The following CLIP1 variants were observed in gnomAD, a reference collection of about 807,000 sequenced individuals.
The protein encoded by CLIP1 is CAP-Gly domain containing linker protein 1.
In CLIP1, 66 loss-of-function variants were observed where a neutral mutation model predicts 161.6. That is an observed-to-expected ratio of 0.41 (90% CI 0.33 to 0.50). The LOEUF (loss-of-function observed/expected upper bound fraction) is 0.50, where lower values mean the gene tolerates loss of function less well. CLIP1 is among the 20% of genes least tolerant of loss of function. The pLI, the probability that CLIP1 is intolerant of heterozygous loss-of-function variation, is 0.27. For synonymous variants in CLIP1, 598 were observed against 626.2 expected (o/e 0.96, Z 0.67); for missense variants, 1,376 against 1,702.0 (o/e 0.81, Z 3.37).
chr12:122,379,374 G>A (rs1315412068), intron 2 of CLIP1, among the ~76,000 whole-genome samples: 1 of 151,332 alleles, frequency 6.6e-6, no homozygotes, highest in Non-Finnish European at 1.5e-5. Flanking sequence ...AGCACTTTGG[G>A]AAGCCAAGGC....
chr12:122,418,449 A>G (rs943280146), intron 1 of CLIP1, among the ~76,000 whole-genome samples: 1 of 152,196 alleles, frequency 6.6e-6, no homozygotes, highest in Non-Finnish European at 1.5e-5. Context: ...AAAAGGAAAG[A>G]AATTGATTAT....
At chr12:122,328,465 A>G in intron 15 of CLIP1, 39 bp from the exon 16 acceptor site, 3 of 1,313,218 alleles carry the variant, frequency 2.3e-6, no homozygotes, top group Non-Finnish European at 2.1e-6. Context: ...GATTTTTCAT[A>G]AGAATGTTTT....
At chr12:122,357,546 G>A (rs1159625739) in intron 5 of CLIP1, among the ~76,000 whole-genome samples, 3 of 132,096 alleles carry the variant, frequency 2.3e-5, no homozygotes, top group South Asian at 2.6e-4. Flanking sequence ...CGCCCCGTCC[G>A]GGAGGGAGGT....
intron 19 of CLIP1, 52 bp from the exon 20 acceptor site, chr12:122,309,934 A>G (rs993281695): frequency 1.2e-6 from 2 of 1,604,564 alleles, no homozygotes; most frequent in African/African-American, 2.7e-5. Flanking sequence ...AGGCAAGGAA[A>G]CTGTGGGAGA....
intron 1 of CLIP1, among the ~76,000 whole-genome samples, chr12:122,389,534 G>A (rs982921058): frequency 5.3e-5 from 8 of 151,986 alleles, no homozygotes; most frequent in Non-Finnish European, 8.8e-5. Context: ...CAAAGCCGGC[G>A]GATCACTTGA....
At chr12:122,376,207 G>A (rs572115262) in intron 3 of CLIP1, among the ~76,000 whole-genome samples, 2 of 152,174 alleles carry the variant, frequency 1.3e-5, no homozygotes, top group East Asian at 3.9e-4. Context: ...AAACTACTGG[G>A]ATTACAGGAA....
chr12:122,407,177 T>C (rs909804091), intron 1 of CLIP1, among the ~76,000 whole-genome samples: 1 of 152,156 alleles, frequency 6.6e-6, no homozygotes, highest in South Asian at 2.1e-4. Context: ...GTGCTTAATA[T>C]AGCATCATAA....
chr12:122,400,178 G>A (rs1017958812), intron 1 of CLIP1: 1 of 152,136 alleles, frequency 6.6e-6, no homozygotes, highest in South Asian at 2.1e-4. Flanking sequence ...CTTAAGAAAG[G>A]GCAAGCTATT....
Position 122,377,638 on chromosome 12 carries a change from G to A in CLIP1, c.408C>T (p.Gly136=). The change falls in exon 3 of 26, where the codon GGC becomes GGT. Residue 136 remains glycine (G), a synonymous_variant. Transcript: ENST00000620786. ...CTCGGGAGGCGGGCGTTGTCTGCAG[G>A]CCATTAGCTTCATCTTCTGCTTGCA... The part of the protein sequence containing the change: ...RKVQAEDEAN[G]LQTTPASRAT... 6.2e-7 allele frequency: 1 copy of A among 1,613,756 alleles called. No individual in the cohort carries two copies. Among genetic ancestry groups the A allele is most frequent in the African/African-American group, 1.3e-5 (1 of 74,930 alleles).
intron 20 of CLIP1, among the ~76,000 whole-genome samples, chr12:122,305,876 T>C (rs761058546): frequency 2.6e-5 from 4 of 151,790 alleles, no homozygotes; most frequent in Non-Finnish European, 4.4e-5. Context: ...GAGATTACCC[T>C]GGGCAACATG....
intron 20 of CLIP1, among the ~76,000 whole-genome samples, chr12:122,290,061 T>C (rs1294673957): frequency 6.6e-6 from 1 of 152,190 alleles, no homozygotes; most frequent in Admixed American, 6.5e-5. Flanking sequence ...AAAGCTCTTA[T>C]ATTTTTTTAA....
chr12:122,356,324 C>T (rs1401044233), intron 5 of CLIP1, among the ~76,000 whole-genome samples: 3 of 152,144 alleles, frequency 2.0e-5, no homozygotes, highest in African/African-American at 7.2e-5. Flanking sequence ...AGAAACACAG[C>T]GACATCTGCT....
chr12:122,418,187 T>C (rs188258509), intron 1 of CLIP1, among the ~76,000 whole-genome samples: 15 of 152,238 alleles, frequency 9.9e-5, no homozygotes, highest in African/African-American at 3.6e-4. Context: ...TATTCACTGT[T>C]GTATCACCAT....
rs372474758 is a variant in CLIP1, at chr12:122,289,533, C to T, written c.3595-992G>A. Reference sequence around the variant, plus strand: ...ATTGCAGAGGACTAGGTACAGGCTACATACTCTCTGTGGGCCTCAATGTAC... The same window carrying T: ...ATTGCAGAGGACTAGGTACAGGCTATATACTCTCTGTGGGCCTCAATGTAC... On this transcript the variant is annotated intron_variant, in intron 20 of 25. Transcript: ENST00000620786. 3.9e-5 allele frequency among the ~76,000 whole-genome samples: 6 copies of T among 152,258 alleles called. No homozygotes were observed. The South Asian group carries it at 8.3e-4, about 21-fold the overall frequency.
chr12:122,330,277 A>G (rs1325049476), intron 15 of CLIP1, among the ~76,000 whole-genome samples: 1 of 152,104 alleles, frequency 6.6e-6, no homozygotes. Flanking sequence ...AGCCACCACT[A>G]CCTGTGTAGC....
At chr12:122,378,510 A>G (rs779989116) in intron 2 of CLIP1, among the ~76,000 whole-genome samples, 82 of 152,280 alleles carry the variant, frequency 5.4e-4, no homozygotes, top group Non-Finnish European at 9.7e-4. Context: ...TTATTCCTTT[A>G]TTTGCAATTA....
intron 21 of CLIP1, among the ~76,000 whole-genome samples, chr12:122,284,431 C>T (rs1401719165): frequency 1.3e-5 from 2 of 151,898 alleles, no homozygotes; most frequent in Admixed American, 1.3e-4. Context: ...CGGCGCACTG[C>T]AACCTCTGCA....
chr12:122,340,798 T>C lies in CLIP1; in HGVS notation c.2406A>G (p.Lys802=). ...KLRQQLEAAE[K]QIKHLEIEKN... is the part of the protein sequence containing the mutation. The stretch of plus-strand genomic sequence containing the variant: ...TTTCAATCTCTAAATGTTTAATCTG[T>C]TTCTCAGCTGCCTCAAGCTGCTGTC... The change falls in exon 11 of 26, where the codon AAA becomes AAG. Residue 802 remains lysine (K), a synonymous_variant. Transcript: ENST00000620786. The C allele has an allele frequency of 6.2e-7, 1 of 1,609,964 alleles. No individual in the cohort carries two copies. The highest frequency in any genetic ancestry group is 8.5e-7 in the Non-Finnish European group (1 of 1,178,502).
intron 3 of CLIP1, among the ~76,000 whole-genome samples, chr12:122,377,140 C>A (rs1345645268): frequency 6.6e-6 from 1 of 151,928 alleles, no homozygotes; most frequent in Non-Finnish European, 1.5e-5. Context: ...TCCTGAGTAG[C>A]TGGGATTACA....
Sources: gnomAD v4.1 joint callset for allele counts (sites outside exome capture counted in the v4.1 genomes callset) on GRCh38, gnomAD v4.1.1 for gene constraint, MANE v1.5 for transcripts, NCBI Gene and HGNC (gene_info 2026-07-23, HGNC 2026-07-21) for gene names.